The following NF1 variants were observed in gnomAD, a reference collection of about 807,000 sequenced individuals.
NF1 encodes neurofibromin 1, also known as neurofibromin.
In NF1, 122 loss-of-function variants were observed where a neutral mutation model predicts 325.7. The observed-to-expected ratio is 0.37, with a 90% CI of 0.32 to 0.44. The LOEUF is 0.44. Among genes scored for constraint, NF1 ranks in the 20% least tolerant of loss-of-function variants. NF1 has a pLI of 1.00. For synonymous variants in NF1, 1,091 were observed against 1,186.0 expected (o/e 0.92, Z 1.65); for missense variants, 2,140 against 3,415.4 (o/e 0.63, Z 9.31).
chr17:31,097,538 C>T (rs948245167), intron 1 of NF1, among the ~76,000 whole-genome samples: 1 of 151,754 alleles, frequency 6.6e-6, no homozygotes, highest in Non-Finnish European at 1.5e-5. Context: ...TCCTTCTGTC[C>T]CTAGCTTTAA....
At chr17:31,335,083 A>T (rs2151550944) in intron 40 of NF1, 52 bp downstream of exon 40, 1 of 1,487,896 alleles carries the variant, frequency 6.7e-7, no homozygotes, top group Non-Finnish European at 9.3e-7. Flanking sequence ...GCACATATTT[A>T]TCTGGTGCCA....
At chr17:31,356,345 T>G (rs530232210) in intron 51 of NF1, 115 bp from the exon 52 acceptor site, 2 of 1,058,078 alleles carry the variant, frequency 1.9e-6, no homozygotes, top group African/African-American at 3.1e-5. Flanking sequence ...AGAGCTTTCT[T>G]TGAGTCCTCA....
In NF1 at chr17:31,349,059, G is replaced by A. The variant is rs2151572232; in HGVS notation, c.7190-61G>A. 4 of 1,539,266 alleles carry A rather than the reference G, an allele frequency of 2.6e-6. No individual in the cohort carries two copies. In the East Asian group the frequency reaches 9.8e-5, roughly 38 times the overall value. ...TTAGTCAGGGAAGAAGACCTCAGCAGATGCTTGTTCAAAAAATTAATTCTT... is the reference window on the plus strand; with the variant it reads ...TTAGTCAGGGAAGAAGACCTCAGCAAATGCTTGTTCAAAAAATTAATTCTT... On this transcript the variant is annotated intron_variant, in intron 48 of 57. Transcript: ENST00000358273.
chr17:31,263,042 G>A (rs1277096259), intron 35 of NF1, among the ~76,000 whole-genome samples: 2 of 143,536 alleles, frequency 1.4e-5, no homozygotes, highest in African/African-American at 5.5e-5. Flanking sequence ...TAGATAGGTA[G>A]GTAGGTAGGT....
At chr17:31,338,256 C>T (rs367883361) in intron 45 of NF1, 117 bp downstream of exon 45, 10 of 752,834 alleles carry the variant, frequency 1.3e-5, no homozygotes, top group East Asian at 1.0e-4. Flanking sequence ...TTATATGTTA[C>T]TTATTAAGCC....
intron 31 of NF1, 62 bp from the exon 32 acceptor site, chr17:31,258,280 CTT>C (rs1429449045): frequency 1.3e-6 from 2 of 1,585,126 alleles, no homozygotes; most frequent in African/African-American, 1.3e-5. Flanking sequence ...CCTTTGAACT[CTT>C]TGTTTTCATG....
intron 8 of NF1, among the ~76,000 whole-genome samples, chr17:31,199,112 T>C (rs1339747849): frequency 6.6e-6 from 1 of 152,146 alleles, no homozygotes; most frequent in African/African-American, 2.4e-5. Flanking sequence ...ATTATTTTCT[T>C]TCTTCTGCTA....
intron 57 of NF1, among the ~76,000 whole-genome samples, chr17:31,372,290 A>C (rs1174357514): frequency 6.6e-6 from 1 of 151,948 alleles, no homozygotes; most frequent in Non-Finnish European, 1.5e-5. Context: ...TTTTTTTCCT[A>C]CTCCAAAAAT....
At chr17:31,363,436 CTTTT>C (rs5819928) in intron 57 of NF1, among the ~76,000 whole-genome samples, 4 of 112,462 alleles carry the variant, frequency 3.6e-5, no homozygotes, top group Admixed American at 9.2e-5. Flanking sequence ...TTATCTCTCT[CTTTT>C]TTTTTTTTTT....
At chr17:31,363,582 G>A (rs1417557285) in intron 57 of NF1, among the ~76,000 whole-genome samples, 4 of 150,938 alleles carry the variant, frequency 2.7e-5, no homozygotes, top group South Asian at 4.2e-4. Flanking sequence ...GACTACAGGC[G>A]CCCACCACCA....
At chr17:31,124,765 A>G (rs1026620138) in intron 1 of NF1, among the ~76,000 whole-genome samples, 18 of 149,648 alleles carry the variant, frequency 1.2e-4, no homozygotes, top group Non-Finnish European at 2.2e-4. Context: ...ATGCGGGCTA[A>G]TTTTTTTTTG....
intron 36 of NF1, among the ~76,000 whole-genome samples, chr17:31,310,512 C>T (rs2068842812): frequency 2.0e-5 from 3 of 152,076 alleles, no homozygotes; most frequent in Admixed American, 2.0e-4. Context: ...TTTGTGAGTG[C>T]AGGGAGACAG....
intron 36 of NF1, chr17:31,272,768 G>A (rs1186535787): frequency 6.6e-6 from 1 of 152,170 alleles, no homozygotes; most frequent in Non-Finnish European, 1.5e-5. Context: ...ATCCTCCTCT[G>A]TTTCACAATA....
intron 27 of NF1, among the ~76,000 whole-genome samples, chr17:31,234,228 A>T (rs2067161635): frequency 6.6e-6 from 1 of 152,230 alleles, no homozygotes; most frequent in African/African-American, 2.4e-5. Flanking sequence ...CTGAAATTTT[A>T]TACTCATTGA....
At chr17:31,172,746 C>A (rs554638440) in intron 5 of NF1, among the ~76,000 whole-genome samples, 52 of 152,160 alleles carry the variant, frequency 3.4e-4, no homozygotes, top group Admixed American at 5.9e-4. Flanking sequence ...TTATGAGTTA[C>A]GAAGCTTTAT....
At chr17:31,325,299 AT>A (rs914855255) in intron 36 of NF1, among the ~76,000 whole-genome samples, 1 of 152,202 alleles carries the variant, frequency 6.6e-6, no homozygotes, top group African/African-American at 2.4e-5. Context: ...AGGGCTACGT[AT>A]TCCCTTGTTT....
intron 36 of NF1, chr17:31,305,537 T>C (rs2068695094): frequency 6.2e-7 from 1 of 1,614,154 alleles, no homozygotes. Context: ...GTTGTAATTG[T>C]CTCTGTCTTT....
In NF1 at chr17:31,242,305, CT is replaced by C. The variant is rs200376987; in HGVS notation, c.3974+6311del. 8.5e-3 allele frequency among the ~76,000 whole-genome samples: 586 copies of C among 68,804 alleles called. 1 individual carries two copies. The highest frequency in any genetic ancestry group is 0.015 in the African/African-American group (234 of 15,972). 45.1% of individuals were successfully genotyped at this position (68,804 alleles called of 152,430 possible). On this transcript the variant is annotated intron_variant, in intron 29 of 57. Transcript: ENST00000358273. The stretch of plus-strand genomic sequence containing the variant: ...TCTTTCCCTAGGTTTCATAAGTTCT[CT>C]TTTTTTTTTTTTTTTTTTTTTTTTT...
intron 5 of NF1, among the ~76,000 whole-genome samples, chr17:31,172,377 CTCTT>C (rs1420216990): frequency 6.7e-6 from 1 of 150,130 alleles, no homozygotes; most frequent in Non-Finnish European, 1.5e-5. Flanking sequence ...CTCTCTTTCT[CTCTT>C]TCTCTCGATA....
Sources: gnomAD v4.1 joint callset for allele counts (sites outside exome capture counted in the v4.1 genomes callset) on GRCh38, gnomAD v4.1.1 for gene constraint, MANE v1.5 for transcripts, NCBI Gene and HGNC (gene_info 2026-07-23, HGNC 2026-07-21) for gene names.